The following PAK1 variants were observed in gnomAD, a reference collection of about 807,000 sequenced individuals.
PAK1 encodes the protein serine/threonine-protein kinase PAK 1.
In PAK1, 29 loss-of-function variants were observed where a neutral mutation model predicts 67.4. The observed-to-expected ratio is 0.43, with a 90% confidence interval of 0.32 to 0.59. The LOEUF is 0.59. PAK1 is among the 20% of genes least tolerant of loss of function. The pLI, the probability that PAK1 is intolerant of heterozygous loss-of-function variation, is 0.07. For synonymous variants in PAK1, 223 were observed against 237.4 expected (o/e 0.94, Z 0.56); for missense variants, 337 against 670.7 (o/e 0.50, Z 5.50).
At chr11:77,339,505 G>C (rs1007142634) in intron 11 of PAK1, among the ~76,000 whole-genome samples, 7 of 151,594 alleles carry the variant, frequency 4.6e-5, no homozygotes, top group Admixed American at 3.9e-4. Flanking sequence ...AAAAAAGTCA[G>C]AACCCCTAAG....
intron 1 of PAK1, among the ~76,000 whole-genome samples, chr11:77,454,571 T>A (rs1043853363): frequency 6.6e-6 from 1 of 152,148 alleles, no homozygotes; most frequent in Non-Finnish European, 1.5e-5. Flanking sequence ...CTAAGGCAGT[T>A]CTCAAATTTT....
intron 1 of PAK1, among the ~76,000 whole-genome samples, chr11:77,430,255 C>T (rs1955799265): frequency 6.6e-6 from 1 of 152,078 alleles, no homozygotes; most frequent in African/African-American, 2.4e-5. Context: ...GTGAGTCAGG[C>T]TGAGGTTTAC....
At chr11:77,402,491 T>A (rs1952837053) in intron 1 of PAK1, among the ~76,000 whole-genome samples, 1 of 152,174 alleles carries the variant, frequency 6.6e-6, no homozygotes, top group Non-Finnish European at 1.5e-5. Flanking sequence ...GTTGAGTTAT[T>A]CCCAATAATT....
At chr11:77,434,654 C>T (rs1956028988) in intron 1 of PAK1, among the ~76,000 whole-genome samples, 14 of 152,038 alleles carry the variant, frequency 9.2e-5, no homozygotes, top group Admixed American at 7.9e-4. Flanking sequence ...GGTTCTCACT[C>T]TATTACCAGG....
At chr11:77,381,723 G>GT (rs1949862434) in intron 2 of PAK1, among the ~76,000 whole-genome samples, 1 of 152,180 alleles carries the variant, frequency 6.6e-6, no homozygotes, top group South Asian at 2.1e-4. Flanking sequence ...TCATTTTACA[G>GT]ATGAGGAAAC....
chr11:77,451,898 CT>C (rs1305729211), intron 1 of PAK1, among the ~76,000 whole-genome samples: 1 of 142,726 alleles, frequency 7.0e-6, no homozygotes, highest in Admixed American at 6.8e-5. Context: ...CACGCCCGAC[CT>C]CTCTCGTTAA....
At chr11:77,506,559 T>C in the PAK1 span, among the ~76,000 whole-genome samples, 1 of 152,066 alleles carries the variant, frequency 6.6e-6, no homozygotes, top group Non-Finnish European at 1.5e-5. Flanking sequence ...TATTAATAAC[T>C]ACTGTATGGA....
the PAK1 span, among the ~76,000 whole-genome samples, chr11:77,506,972 T>A: frequency 2.6e-5 from 4 of 152,218 alleles, no homozygotes; most frequent in Non-Finnish European, 5.9e-5. Context: ...AAGATCTTCA[T>A]CTAGTTCATT....
the PAK1 span, among the ~76,000 whole-genome samples, chr11:77,516,996 AC>A: frequency 9.7e-3 from 1,481 of 152,192 alleles, 27 homozygotes; most frequent in African/African-American, 0.034. Context: ...ACAGAGTGAG[AC>A]CCTGTCTCAA....
intron 14 of PAK1, among the ~76,000 whole-genome samples, chr11:77,326,789 A>G (rs1940012656): frequency 6.6e-6 from 1 of 152,222 alleles, no homozygotes; most frequent in East Asian, 1.9e-4. Context: ...TGGATGGAGA[A>G]TGACTCTGAC....
At chr11:77,400,079 C>G (rs919371944) in intron 1 of PAK1, among the ~76,000 whole-genome samples, 2 of 152,028 alleles carry the variant, frequency 1.3e-5, no homozygotes, top group Non-Finnish European at 2.9e-5. Flanking sequence ...TGCTTGAACT[C>G]TACCCCTAGA....
At chr11:77,520,105 A>G in the PAK1 span, among the ~76,000 whole-genome samples, 2 of 151,988 alleles carry the variant, frequency 1.3e-5, no homozygotes, top group Non-Finnish European at 2.9e-5. Flanking sequence ...AAAGCATCTG[A>G]TATAAAGACT....
intron 1 of PAK1, among the ~76,000 whole-genome samples, chr11:77,441,679 G>A (rs1039389619): frequency 6.6e-6 from 1 of 152,210 alleles, no homozygotes; most frequent in Non-Finnish European, 1.5e-5. Flanking sequence ...TGGTCAGTTA[G>A]TGGCAAAGCA....
chr11:77,456,621 A>G (rs1043975781), intron 1 of PAK1, among the ~76,000 whole-genome samples: 33 of 152,248 alleles, frequency 2.2e-4, no homozygotes, highest in Admixed American at 9.8e-4. Context: ...TGTAATGATA[A>G]TGATAGCCGA....
intron 5 of PAK1, among the ~76,000 whole-genome samples, chr11:77,361,540 A>G (rs145308998): frequency 2.6e-4 from 40 of 152,300 alleles, no homozygotes; most frequent in Admixed American, 2.5e-3. Flanking sequence ...GAGGACTGTG[A>G]GTAGAACAGT....
rs531086689 is a variant in PAK1 at position 77,458,772 on chromosome 11, A to C, written c.-22+14780T>G. Reference sequence around the variant, plus strand: ...TAGTGCAAAGGACGGAGAGAGTACTACGAAAATTCAAGAAAGTTTGATGAA... The same window carrying C: ...TAGTGCAAAGGACGGAGAGAGTACTCCGAAAATTCAAGAAAGTTTGATGAA... On this transcript the variant is annotated intron_variant, in intron 1 of 14. Transcript: ENST00000356341. Among the ~76,000 whole-genome samples the C allele has an allele frequency of 2.6e-5, 4 of 152,332 alleles. No individual in the cohort carries two copies. In the South Asian group the frequency reaches 8.3e-4, roughly 32 times the overall value.
At chr11:77,384,385 AT>A (rs1950202404) in intron 2 of PAK1, among the ~76,000 whole-genome samples, 1 of 152,150 alleles carries the variant, frequency 6.6e-6, no homozygotes, top group Non-Finnish European at 1.5e-5. Context: ...GCAGTTGCAA[AT>A]TTTTTATGAT....
chr11:77,413,565 C>A (rs1954771389), intron 1 of PAK1, among the ~76,000 whole-genome samples: 1 of 152,148 alleles, frequency 6.6e-6, no homozygotes, highest in Admixed American at 6.5e-5. Context: ...CACCTGTAAT[C>A]CCAGCTACTC....
chr11:77,382,844 A>G (rs184468260), intron 2 of PAK1, among the ~76,000 whole-genome samples: 53 of 152,280 alleles, frequency 3.5e-4, no homozygotes, highest in Middle Eastern at 3.4e-3. Flanking sequence ...CTAAAAATGC[A>G]AAAATTAGCT....
Sources: allele counts gnomAD v4.1 joint callset (sites outside exome capture counted in the v4.1 genomes callset), GRCh38; gene constraint gnomAD v4.1.1; transcripts MANE v1.5; gene names NCBI Gene and HGNC (gene_info 2026-07-23, HGNC 2026-07-21).